Variants in PDLIM5 observed in about 807,000 individuals in gnomAD.
PDLIM5 encodes the protein PDZ and LIM domain 5.
Under a neutral mutation model 64.2 loss-of-function variants are expected in PDLIM5, and 34 were observed. The ratio of observed to expected loss-of-function variants is 0.53; its 90% CI spans 0.40 to 0.71. PDLIM5 has a LOEUF of 0.71. Among genes scored for constraint, PDLIM5 ranks in the 30% least tolerant of loss-of-function variants. PDLIM5 has a pLI of 0.00. For missense variants in PDLIM5, 683 were observed against 733.6 expected (o/e 0.93, Z 0.80); for synonymous variants, 253 against 269.1 (o/e 0.94, Z 0.59).
chr4:94,632,053 C>T (rs538858339), intron 8 of PDLIM5, among the ~76,000 whole-genome samples: 2 of 152,252 alleles, frequency 1.3e-5, no homozygotes, highest in South Asian at 2.1e-4. Context: ...ACACGCATAG[C>T]GTAGCGCCTG....
chr4:94,582,655 G>T, intron 5 of PDLIM5: 1 of 1,032,866 alleles, frequency 9.7e-7, no homozygotes. Flanking sequence ...CATCTTCCGG[G>T]GAACATCAAT....
chr4:94,488,874 T>C (rs1560649971), intron 2 of PDLIM5, among the ~76,000 whole-genome samples: 1 of 152,226 alleles, frequency 6.6e-6, no homozygotes, highest in Non-Finnish European at 1.5e-5. Context: ...CTAAAGCAAA[T>C]GCCGTAAAGG....
At chr4:94,622,105 A>T (rs1179456526) in intron 8 of PDLIM5, among the ~76,000 whole-genome samples, 2 of 152,228 alleles carry the variant, frequency 1.3e-5, no homozygotes, top group Non-Finnish European at 2.9e-5. Context: ...AGCCACTCAA[A>T]TTCTTCTGCC....
intron 2 of PDLIM5, among the ~76,000 whole-genome samples, chr4:94,473,703 C>A (rs1234147565): frequency 6.6e-6 from 1 of 152,144 alleles, no homozygotes; most frequent in Non-Finnish European, 1.5e-5. Flanking sequence ...TTTTGGTAAG[C>A]AGTAAATATT....
At chr4:94,539,615 G>A (rs1157544544) in intron 3 of PDLIM5, among the ~76,000 whole-genome samples, 4 of 152,194 alleles carry the variant, frequency 2.6e-5, no homozygotes, top group South Asian at 4.1e-4. Context: ...TATAATACAG[G>A]TGGACGATTC....
At chr4:94,549,748 A>T (rs1240702631) in intron 3 of PDLIM5, 1 of 152,148 alleles carries the variant, frequency 6.6e-6, no homozygotes, top group Non-Finnish European at 1.5e-5. Flanking sequence ...CTCAATTAAC[A>T]TATTTTCCCT....
intron 3 of PDLIM5, among the ~76,000 whole-genome samples, chr4:94,565,706 T>C (rs1734259616): frequency 6.6e-6 from 1 of 152,192 alleles, no homozygotes; most frequent in African/African-American, 2.4e-5. Flanking sequence ...GATTTCCTGT[T>C]AGTATAGGGA....
intron 5 of PDLIM5, among the ~76,000 whole-genome samples, chr4:94,579,756 A>G (rs568384670): frequency 1.3e-5 from 2 of 152,276 alleles, no homozygotes; most frequent in East Asian, 3.9e-4. Flanking sequence ...CATAAAATGT[A>G]TGTGGGTTTT....
At chr4:94,468,644 T>A (rs554308335) in intron 2 of PDLIM5, among the ~76,000 whole-genome samples, 1 of 152,292 alleles carries the variant, frequency 6.6e-6, no homozygotes, top group South Asian at 2.1e-4. Context: ...GTGGTGTGTG[T>A]TTGGATGAGA....
intron 2 of PDLIM5, among the ~76,000 whole-genome samples, chr4:94,495,730 T>C (rs1727328452): frequency 6.6e-6 from 1 of 152,172 alleles, no homozygotes; most frequent in Non-Finnish European, 1.5e-5. Context: ...GCTCATGCTT[T>C]CCAGGGGGGT....
chr4:94,466,700 C>G (rs1362096425), intron 2 of PDLIM5, among the ~76,000 whole-genome samples: 3 of 152,158 alleles, frequency 2.0e-5, no homozygotes, highest in Non-Finnish European at 4.4e-5. Context: ...CTCTAACTGC[C>G]AGCCTCTTCC....
chr4:94,571,642 A>AT (rs1578398388), intron 3 of PDLIM5, among the ~76,000 whole-genome samples: 4 of 152,144 alleles, frequency 2.6e-5, no homozygotes, highest in Admixed American at 2.6e-4. Context: ...TGTAGGAAGA[A>AT]TTTTTTTCGT....
intron 3 of PDLIM5, among the ~76,000 whole-genome samples, chr4:94,554,480 G>A (rs772094696): frequency 1.5e-4 from 23 of 151,952 alleles, no homozygotes; most frequent in Middle Eastern, 3.4e-3. Context: ...ACGTACATAC[G>A]TTCATACATA....
intron 8 of PDLIM5, among the ~76,000 whole-genome samples, chr4:94,622,863 G>T (rs936142611): frequency 6.6e-6 from 1 of 151,998 alleles, no homozygotes; most frequent in South Asian, 2.1e-4. Context: ...TAGAGACGGG[G>T]TTTCACCATG....
chr4:94,482,929 C>G (rs1726000363), intron 2 of PDLIM5, among the ~76,000 whole-genome samples: 1 of 152,058 alleles, frequency 6.6e-6, no homozygotes, highest in African/African-American at 2.4e-5. Context: ...ATGTACTAGA[C>G]AGGGAAATGA....
intron 2 of PDLIM5, among the ~76,000 whole-genome samples, chr4:94,489,675 C>T (rs759074019): frequency 3.9e-5 from 6 of 152,024 alleles, no homozygotes; most frequent in Non-Finnish European, 7.4e-5. Context: ...CCTATAATCC[C>T]AGCATTTTGG....
At chr4:94,569,654 C>T (rs1271232585) in intron 3 of PDLIM5, among the ~76,000 whole-genome samples, 6 of 152,064 alleles carry the variant, frequency 3.9e-5, no homozygotes, top group African/African-American at 1.4e-4. Context: ...AGTTTCTCAT[C>T]TGTAAAATGA....
chr4:94,493,068 A>G (rs1026479080), intron 2 of PDLIM5, among the ~76,000 whole-genome samples: 3 of 152,164 alleles, frequency 2.0e-5, no homozygotes, highest in African/African-American at 7.2e-5. Context: ...GTGAGCATGA[A>G]GTGGTATCAT....
intron 2 of PDLIM5, among the ~76,000 whole-genome samples, chr4:94,457,940 C>T (rs1158875055): frequency 6.6e-6 from 1 of 152,126 alleles, no homozygotes; most frequent in Non-Finnish European, 1.5e-5. Context: ...CTTTTTGGGC[C>T]TTGTGCAGTG....
Sources: gnomAD v4.1 joint callset for allele counts (sites outside exome capture counted in the v4.1 genomes callset) on GRCh38, gnomAD v4.1.1 for gene constraint, MANE v1.5 for transcripts, NCBI Gene and HGNC (gene_info 2026-07-23, HGNC 2026-07-21) for gene names.